THBS4: variants seen among roughly 807,000 people sequenced by gnomAD.
THBS4 encodes thrombospondin-4.
In THBS4, 90 loss-of-function variants were observed where a neutral mutation model predicts 115.7. The ratio of observed to expected loss-of-function variants is 0.78; its 90% CI spans 0.66 to 0.93. THBS4 has a LOEUF of 0.93. Ranked by LOEUF, THBS4 falls within the 40% of genes least tolerant of loss-of-function variation. The pLI is 0.00. For missense variants in THBS4, 1,087 were observed against 1,232.7 expected (o/e 0.88, Z 1.77); for synonymous variants, 460 against 479.3 (o/e 0.96, Z 0.53).
rs1743395045 is a variant in THBS4 at position 80,079,753 on chromosome 5, AG to A, written c.2512-151del. Reference sequence around the variant, plus strand: ...AGTAAAAGGTTGGGGTCACCTCCATAGAAATGACATTTAAGTGTTTATGCTT... The same window carrying A: ...AGTAAAAGGTTGGGGTCACCTCCATAAAATGACATTTAAGTGTTTATGCTT... On this transcript the variant is annotated intron_variant, in intron 19 of 21. Coordinates refer to ENST00000350881, the MANE Select transcript of THBS4 (RefSeq NM_003248.6). 10 of 764,556 alleles carry A rather than the reference AG, an allele frequency of 1.3e-5. No individual in the cohort carries two copies. The South Asian group carries it at 1.7e-4, about 13-fold the overall frequency. 47.4% of individuals were successfully genotyped at this position (764,556 alleles called of 1,614,324 possible). A position where few individuals can be genotyped will look rare whatever the true frequency, so the allele number is the denominator to read the frequency against.
At chr5:80,038,669 T>C (rs1207526039) in intron 1 of THBS4, among the ~76,000 whole-genome samples, 1 of 152,298 alleles carries the variant, frequency 6.6e-6, no homozygotes, top group Admixed American at 6.5e-5. Context: ...CACCTAATTC[T>C]TTCCTAAATA....
In THBS4 at chr5:80,077,954, A is replaced by G. The variant is rs1418503275; in HGVS notation, c.2087-95A>G. The G allele has an allele frequency of 8.2e-5, 90 of 1,091,632 alleles. 1 individual carries two copies. The highest frequency in any genetic ancestry group is 1.6e-5 in the African/African-American group (1 of 62,016). 67.6% of individuals were successfully genotyped at this position (1,091,632 alleles called of 1,614,324 possible). A position where few individuals can be genotyped will look rare whatever the true frequency, so the allele number is the denominator to read the frequency against. Reference sequence around the variant, plus strand: ...TCATGGCCCTGGTTGTGGGAGCTTGAGCCCTTCTGTTCCTCATGCAGCCCC... The same window carrying G: ...TCATGGCCCTGGTTGTGGGAGCTTGGGCCCTTCTGTTCCTCATGCAGCCCC... On this transcript the variant is annotated intron_variant, in intron 16 of 21. Coordinates refer to ENST00000350881, the MANE Select transcript of THBS4 (RefSeq NM_003248.6).
At chr5:80,072,545 C>T in intron 14 of THBS4, 149 bp downstream of exon 14, 1 of 718,626 alleles carries the variant, frequency 1.4e-6, no homozygotes, top group Non-Finnish European at 2.4e-6. Context: ...ACACTGTGGG[C>T]CTGAAGATGG....
intron 2 of THBS4, among the ~76,000 whole-genome samples, chr5:80,054,941 T>C (rs1833373781): frequency 6.6e-6 from 1 of 152,216 alleles, no homozygotes; most frequent in Non-Finnish European, 1.5e-5. Context: ...CCACTTCCTA[T>C]GTCCTTGAGC....
chr5:80,056,168 A>G, intron 3 of THBS4, 136 bp downstream of exon 3: 1 of 1,117,932 alleles, frequency 8.9e-7, no homozygotes, highest in East Asian at 2.6e-5. Context: ...TCACCTGCGG[A>G]GCTTGAAAAG....
chr5:80,059,302 C>A, intron 5 of THBS4, 138 bp from the exon 6 acceptor site: 1 of 849,202 alleles, frequency 1.2e-6, no homozygotes, highest in South Asian at 1.8e-5. Flanking sequence ...TGCACTCCAG[C>A]CTGGGCGACA....
intron 20 of THBS4, 145 bp downstream of exon 20, chr5:80,080,222 A>T: frequency 1.0e-6 from 1 of 977,680 alleles, no homozygotes; most frequent in Non-Finnish European, 1.5e-6. Context: ...CAGGATGGGG[A>T]ACCTAGAAAA....
rs745934776 is a variant in THBS4 at position 80,067,971 on chromosome 5, A to T, written c.1195-2A>T. On this transcript the variant is annotated splice_acceptor_variant, in intron 9 of 21. Transcript: ENST00000350881. LOFTEE classifies it high-confidence loss of function. ...TCATCACCTGATCTTTGTTCCTTGC[A>T]GGGATCTTACCGCTGTGGGCCTTGT... The T allele has an allele frequency of 4.5e-5, 72 of 1,613,800 alleles. No individual in the cohort carries two copies. The highest frequency in any genetic ancestry group is 5.7e-5 in the Non-Finnish European group (67 of 1,179,932).
chr5:79,993,022 A>G (rs532872763), intron 1 of THBS4, among the ~76,000 whole-genome samples: 26 of 152,348 alleles, frequency 1.7e-4, no homozygotes, highest in African/African-American at 5.5e-4. Flanking sequence ...ATTTAAAACA[A>G]TCATACAGAA....
chr5:80,077,960 T>G lies in THBS4; in HGVS notation c.2087-89T>G, dbSNP rs546576815. The G allele has an allele frequency of 2.8e-5, 33 of 1,197,704 alleles. No homozygotes were observed. The South Asian group carries it at 4.0e-4, about 14-fold the overall frequency. 74.2% of individuals were successfully genotyped at this position (1,197,704 alleles called of 1,614,324 possible). A position where few individuals can be genotyped will look rare whatever the true frequency, so the allele number is the denominator to read the frequency against. On this transcript the variant is annotated intron_variant, in intron 16 of 21. Transcript: ENST00000350881. ...CCCTGGTTGTGGGAGCTTGAGCCCT[T>G]CTGTTCCTCATGCAGCCCCCTTCCC...
intron 2 of THBS4, among the ~76,000 whole-genome samples, chr5:80,020,221 C>T (rs1381444615): frequency 6.6e-6 from 1 of 152,176 alleles, no homozygotes; most frequent in African/African-American, 2.4e-5. Context: ...CGCCTGTAAT[C>T]CCAGCACTTT....
At chr5:80,081,186 T>C (rs1164497000) in intron 20 of THBS4, among the ~76,000 whole-genome samples, 3 of 152,190 alleles carry the variant, frequency 2.0e-5, no homozygotes, top group Non-Finnish European at 4.4e-5. Flanking sequence ...AGCAGCCTTG[T>C]GGAAAAAAGA....
At chr5:80,063,313 G>A (rs1000836155) in intron 8 of THBS4, among the ~76,000 whole-genome samples, 2 of 152,152 alleles carry the variant, frequency 1.3e-5, no homozygotes, top group African/African-American at 2.4e-5. Flanking sequence ...TCATGTGTCT[G>A]TTGGCTGCAT....
intron 8 of THBS4, among the ~76,000 whole-genome samples, chr5:80,062,507 C>T (rs1385690054): frequency 6.6e-6 from 1 of 152,138 alleles, no homozygotes; most frequent in East Asian, 1.9e-4. Context: ...TCCTAGCTGC[C>T]TATCAAAGGG....
chr5:80,053,731 A>C (rs1833327196), intron 2 of THBS4, among the ~76,000 whole-genome samples: 1 of 152,096 alleles, frequency 6.6e-6, no homozygotes, highest in South Asian at 2.1e-4. Context: ...ATGCCTGGCT[A>C]ATTTTTGTAT....
chr5:80,061,865 C>A (rs759428574), intron 8 of THBS4, 33 bp downstream of exon 8: 1 of 1,576,596 alleles, frequency 6.3e-7, no homozygotes, highest in Non-Finnish European at 8.6e-7. Flanking sequence ...ATTCATTTCT[C>A]ATCTTAACAA....
chr5:80,022,507 A>G (rs1832398019), intron 2 of THBS4, among the ~76,000 whole-genome samples: 1 of 152,218 alleles, frequency 6.6e-6, no homozygotes, highest in Non-Finnish European at 1.5e-5. Flanking sequence ...ATTCTTTACC[A>G]TAATACTGTA....
intron 2 of THBS4, among the ~76,000 whole-genome samples, chr5:80,008,260 A>G (rs1832055554): frequency 6.6e-6 from 1 of 152,252 alleles, no homozygotes; most frequent in Non-Finnish European, 1.5e-5. Flanking sequence ...TGGGTCTACC[A>G]GTGAGAAACT....
At chr5:80,013,021 A>G (rs1239401640) in intron 2 of THBS4, among the ~76,000 whole-genome samples, 1 of 152,180 alleles carries the variant, frequency 6.6e-6, no homozygotes, top group Non-Finnish European at 1.5e-5. Flanking sequence ...GCTGGAACAC[A>G]TGAGACTTCT....
Sources: allele counts gnomAD v4.1 joint callset (sites outside exome capture counted in the v4.1 genomes callset), GRCh38; gene constraint gnomAD v4.1.1; transcripts MANE v1.5; gene names NCBI Gene and HGNC (gene_info 2026-07-23, HGNC 2026-07-21).